FAM178B: variants seen among roughly 807,000 people sequenced by gnomAD.
The protein encoded by FAM178B is family with sequence similarity 178 member B, also known as protein FAM178B.
FAM178B carries 82 observed loss-of-function variants against 91.7 expected under a neutral mutation model. The ratio of observed to expected loss-of-function variants is 0.89; its 90% CI spans 0.75 to 1.07. The LOEUF is 1.07. Among genes scored for constraint, FAM178B ranks in the 50% least tolerant of loss-of-function variants. The probability of loss-of-function intolerance (pLI) is 0.00; values close to 1 mark genes in which losing one functional copy is unlikely to be tolerated. For synonymous variants in FAM178B, 368 were observed against 359.4 expected, an observed-to-expected ratio of 1.02 and a Z score of -0.27; for missense variants, 769 against 846.7, an observed-to-expected ratio of 0.91 and a Z score of 1.14.
chr2:96,905,630 G>A (rs1574224284), intron 12 of FAM178B, among the ~76,000 whole-genome samples: 1 of 149,520 alleles, frequency 6.7e-6, no homozygotes, highest in African/African-American at 2.4e-5. Context: ...AGATTTAGCA[G>A]ATTAAAATAT....
At chr2:96,946,996 C>A (rs891571364) in intron 8 of FAM178B, among the ~76,000 whole-genome samples, 1 of 152,236 alleles carries the variant, frequency 6.6e-6, no homozygotes, top group African/African-American at 2.4e-5. Flanking sequence ...CATGGTACAT[C>A]CTTGGCCTTG....
chr2:96,916,954 G>A lies in FAM178B; in HGVS notation c.1562+4211C>T, dbSNP rs1334936263. 5.3e-5 allele frequency among the ~76,000 whole-genome samples: 8 copies of A among 152,314 alleles called. No homozygotes were observed. In the East Asian group the frequency reaches 5.8e-4, roughly 11 times the overall value. On this transcript the variant is annotated intron_variant, in intron 12 of 16. Transcript: ENST00000490605. ...AAGGCAGCCAGTAAGCTCTGTGGCC[G>A]CCGCGGGAAGCACAGTGGAGCAGCA...
chr2:96,962,287 G>A (rs2082091042), intron 5 of FAM178B, among the ~76,000 whole-genome samples: 1 of 152,110 alleles, frequency 6.6e-6, no homozygotes, highest in African/African-American at 2.4e-5. Flanking sequence ...GGGTGACAGA[G>A]CAAGACTCCA....
In FAM178B at chr2:96,875,908, C is replaced by A; in HGVS notation, c.*368G>T. The A allele has an allele frequency of 3.4e-6, 1 of 291,416 alleles. No homozygotes were observed. The highest frequency in any genetic ancestry group is 6.5e-6 in the Non-Finnish European group (1 of 153,082). 18.1% of individuals were successfully genotyped at this position (291,416 alleles called of 1,614,324 possible). The stretch of plus-strand genomic sequence containing the variant: ...GATGCTGAAAGAAGACTTTAATGTG[C>A]ACAAAGAAACCTCACATTAGTGACA... On this transcript the variant is annotated 3_prime_UTR_variant, in exon 17 of 17. Coordinates refer to ENST00000490605, the MANE Select transcript of FAM178B (RefSeq NM_001122646.3).
intron 4 of FAM178B, 117 bp from the exon 5 acceptor site, chr2:96,967,744 G>A: frequency 1.5e-6 from 1 of 685,238 alleles, no homozygotes; most frequent in South Asian, 1.8e-5. Context: ...GCGCCGTCCT[G>A]GCTGGTCTCC....
chr2:96,954,161 C>T (rs1198554398), intron 6 of FAM178B, among the ~76,000 whole-genome samples: 4 of 152,196 alleles, frequency 2.6e-5, no homozygotes, highest in African/African-American at 7.2e-5. Context: ...GAGCCTCCAT[C>T]GGCAGCAGAT....
chr2:96,985,120 G>A (rs1198740590), intron 1 of FAM178B, among the ~76,000 whole-genome samples: 1 of 152,200 alleles, frequency 6.6e-6, no homozygotes, highest in Non-Finnish European at 1.5e-5. Flanking sequence ...ACCTGCTCCA[G>A]TGCCTACAGT....
intron 5 of FAM178B, among the ~76,000 whole-genome samples, chr2:96,961,313 G>GTGTC (rs1491190783): frequency 3.1e-3 from 12 of 3,886 alleles, no homozygotes; most frequent in African/African-American, 0.029. Context: ...GCAGCAGAGG[G>GTGTC]TGTGTGTGTG....
chr2:96,902,612 ACACT>A lies in FAM178B; in HGVS notation c.1650+4_1650+7del, dbSNP rs2080955482. The A allele has an allele frequency of 6.5e-7, 1 of 1,547,416 alleles. No homozygotes were observed. The highest frequency in any genetic ancestry group is 1.4e-5 in the African/African-American group (1 of 72,902). On this transcript the variant is annotated splice_donor_5th_base_variant and intron_variant, in intron 13 of 16. Transcript: ENST00000490605. ...GCCTTCCTGCCCAGGCCTGAAGCAA[ACACT>A]CACCTGGGTCTTCTCTTGCCAGAGA...
At chr2:96,942,582 A>C (rs2081752510) in intron 8 of FAM178B, among the ~76,000 whole-genome samples, 1 of 152,052 alleles carries the variant, frequency 6.6e-6, no homozygotes, top group African/African-American at 2.4e-5. Flanking sequence ...TTTTTAGTAG[A>C]GACGGGGTTT....
At chr2:96,884,871 C>G (rs949417753) in intron 14 of FAM178B, among the ~76,000 whole-genome samples, 4 of 152,222 alleles carry the variant, frequency 2.6e-5, no homozygotes, top group Admixed American at 2.6e-4. Flanking sequence ...TGACTCTGAC[C>G]AGGACAGGTC....
chr2:96,932,241 C>T (rs1364645222), intron 8 of FAM178B, among the ~76,000 whole-genome samples: 1 of 152,348 alleles, frequency 6.6e-6, no homozygotes, highest in South Asian at 2.1e-4. Context: ...GCAGTGCCCA[C>T]TCTGCCAGCC....
intron 16 of FAM178B, 152 bp from the exon 17 acceptor site, chr2:96,876,460 C>A: frequency 1.0e-6 from 1 of 953,492 alleles, no homozygotes; most frequent in Non-Finnish European, 1.6e-6. Context: ...ACACTACTGG[C>A]GAGGACACAG....
At chr2:96,921,934 A>G (rs2081348043) in intron 10 of FAM178B, among the ~76,000 whole-genome samples, 1 of 152,092 alleles carries the variant, frequency 6.6e-6, no homozygotes, top group South Asian at 2.1e-4. Context: ...CTGCATTCCC[A>G]GGAGGTTAGG....
At chr2:96,882,040 G>T (rs188761301) in intron 14 of FAM178B, among the ~76,000 whole-genome samples, 2 of 152,204 alleles carry the variant, frequency 1.3e-5, no homozygotes, top group Non-Finnish European at 2.9e-5. Flanking sequence ...TTCCCAGTAG[G>T]GATTTTGAAA....
At chr2:96,923,408 T>C in intron 10 of FAM178B, 82 bp downstream of exon 10, 1 of 1,098,380 alleles carries the variant, frequency 9.1e-7, no homozygotes, top group Non-Finnish European at 1.4e-6. Context: ...AGATTCTCCG[T>C]GATGCTCCTG....
At position 96,986,423 on chromosome 2, in the gene FAM178B, C is replaced by T. The variant is rs1574335978; in HGVS notation, c.-110G>A. 5 of 1,344,988 alleles carry T rather than the reference C, an allele frequency of 3.7e-6. No homozygotes were observed. In the East Asian group the frequency reaches 1.3e-4, roughly 35 times the overall value. The allele number at this position is 1,344,988 out of a possible 1,614,324, so 83.3% of individuals were successfully genotyped here. ...AGGAAGCAGGAGCAGGCTCCCCAGG[C>T]GGCGCAGTGGGAGGACCCCAAGAGT... is the stretch of plus-strand genomic sequence containing the variant. On this transcript the variant is annotated 5_prime_UTR_variant, in exon 1 of 17. Coordinates refer to ENST00000490605, the MANE Select transcript of FAM178B (RefSeq NM_001122646.3).
At chr2:96,976,218 C>T (rs572153722) in intron 1 of FAM178B, among the ~76,000 whole-genome samples, 6 of 151,796 alleles carry the variant, frequency 4.0e-5, no homozygotes, top group South Asian at 4.2e-4. Context: ...CCTCAGCCTC[C>T]GAGTAGCTGG....
At chr2:96,877,381 C>T (rs1202395552) in intron 16 of FAM178B, among the ~76,000 whole-genome samples, 5 of 151,942 alleles carry the variant, frequency 3.3e-5, no homozygotes, top group Non-Finnish European at 4.4e-5. Flanking sequence ...CCCTTCCCTC[C>T]GCACCCACCC....
Sources: gnomAD v4.1 joint callset for allele counts (sites outside exome capture counted in the v4.1 genomes callset) on GRCh38, gnomAD v4.1.1 for gene constraint, MANE v1.5 for transcripts, NCBI Gene and HGNC (gene_info 2026-07-23, HGNC 2026-07-21) for gene names.